OXR1: variants seen among roughly 807,000 people sequenced by gnomAD.
OXR1 encodes the protein oxidation resistance protein 1.
In OXR1, 41 loss-of-function variants were observed where a neutral mutation model predicts 104.6. The ratio of observed to expected loss-of-function variants is 0.39; its 90% CI spans 0.31 to 0.51. OXR1 has a LOEUF of 0.51. Ranked by LOEUF, OXR1 falls within the 20% of genes least tolerant of loss-of-function variation. OXR1 has a pLI of 0.77. For missense variants in OXR1, 955 were observed against 1,031.9 expected (o/e 0.93, Z 1.02); for synonymous variants, 348 against 348.4 (o/e 1.00, Z 0.01).
At chr8:106,291,014 T>G (rs1206023427) in intron 1 of OXR1, among the ~76,000 whole-genome samples, 2 of 152,182 alleles carry the variant, frequency 1.3e-5, no homozygotes, top group Non-Finnish European at 2.9e-5. Context: ...TGCTGGGCTA[T>G]TCACAGTAGC....
intron 6 of OXR1, among the ~76,000 whole-genome samples, chr8:106,686,312 A>T (rs1041582192): frequency 2.1e-4 from 32 of 150,698 alleles, no homozygotes; most frequent in African/African-American, 7.0e-4. Context: ...AAGAGGTAAG[A>T]GAAGAGTTTG....
intron 16 of OXR1, among the ~76,000 whole-genome samples, chr8:106,750,324 CTTTT>C (rs35858491): frequency 2.9e-5 from 4 of 138,200 alleles, no homozygotes; most frequent in Admixed American, 1.5e-4. Flanking sequence ...CTTTTCTTTT[CTTTT>C]TTTTTTTTTT....
intron 11 of OXR1, among the ~76,000 whole-genome samples, chr8:106,727,003 A>T (rs1342592902): frequency 3.3e-5 from 5 of 152,214 alleles, no homozygotes; most frequent in South Asian, 2.1e-4. Flanking sequence ...ACTTTGGAAG[A>T]TGCCCCCAAA....
intron 2 of OXR1, among the ~76,000 whole-genome samples, chr8:106,485,101 A>G (rs1263031283): frequency 6.6e-6 from 1 of 152,036 alleles, no homozygotes; most frequent in Non-Finnish European, 1.5e-5. Flanking sequence ...TTGAAACTAT[A>G]TGACATTTGA....
chr8:106,528,671 A>C (rs1017053832), intron 3 of OXR1, among the ~76,000 whole-genome samples: 6 of 152,246 alleles, frequency 3.9e-5, no homozygotes, highest in African/African-American at 1.2e-4. Flanking sequence ...TTTAATAAAA[A>C]AGATAACCCT....
chr8:106,349,432 G>T (rs982581003), intron 1 of OXR1, among the ~76,000 whole-genome samples: 4 of 152,072 alleles, frequency 2.6e-5, no homozygotes, highest in Non-Finnish European at 5.9e-5. Flanking sequence ...ATTTGAACTT[G>T]GGGGATGGCA....
At chr8:106,685,239 G>C (rs1333723399) in intron 6 of OXR1, among the ~76,000 whole-genome samples, 1 of 152,038 alleles carries the variant, frequency 6.6e-6, no homozygotes, top group Non-Finnish European at 1.5e-5. Flanking sequence ...TTTGAACATA[G>C]CCATGCCATT....
At chr8:106,291,321 C>T (rs1812741786) in intron 1 of OXR1, among the ~76,000 whole-genome samples, 1 of 152,136 alleles carries the variant, frequency 6.6e-6, no homozygotes, top group African/African-American at 2.4e-5. Flanking sequence ...ACTCAAAAAA[C>T]TACCTATTGG....
intron 3 of OXR1, among the ~76,000 whole-genome samples, chr8:106,521,908 C>T (rs927481124): frequency 6.6e-6 from 1 of 152,094 alleles, no homozygotes; most frequent in African/African-American, 2.4e-5. Context: ...CGAACGAACC[C>T]GTCTACAAGC....
chr8:106,437,156 G>T lies in OXR1; in HGVS notation c.23+77520G>T, dbSNP rs546210751. Among the ~76,000 whole-genome samples the T allele has an allele frequency of 3.3e-5, 5 of 152,184 alleles. No homozygotes were observed. The East Asian group carries it at 9.7e-4, about 29-fold the overall frequency. ...GTCTTTTAAAATTCATTGTGAGACT[G>T]TGAAGCTCCTGTACTTCCGTTAAAA... On this transcript the variant is annotated intron_variant, in intron 2 of 16. Transcript: ENST00000517566.
chr8:106,551,888 G>T (rs1041557117), intron 3 of OXR1, among the ~76,000 whole-genome samples: 21 of 148,112 alleles, frequency 1.4e-4, no homozygotes, highest in Non-Finnish European at 4.5e-5. Context: ...GTGTGTGTGT[G>T]TGTGTGTGTG....
At chr8:106,580,041 G>C (rs1818122084) in intron 3 of OXR1, among the ~76,000 whole-genome samples, 1 of 152,184 alleles carries the variant, frequency 6.6e-6, no homozygotes, top group Non-Finnish European at 1.5e-5. Context: ...TTGACTGGCA[G>C]CTGTGACTCT....
chr8:106,357,229 C>CT (rs200726937), intron 1 of OXR1, among the ~76,000 whole-genome samples: 87 of 146,122 alleles, frequency 6.0e-4, no homozygotes, highest in South Asian at 1.3e-3. Context: ...TATATATATG[C>CT]TTTTTTTTTT....
chr8:106,553,874 G>A (rs966349587), intron 3 of OXR1, among the ~76,000 whole-genome samples: 2 of 152,146 alleles, frequency 1.3e-5, no homozygotes, highest in African/African-American at 2.4e-5. Flanking sequence ...TAAGCTCCCT[G>A]ATGGCCAAGT....
intron 2 of OXR1, among the ~76,000 whole-genome samples, chr8:106,472,065 T>A (rs1196390165): frequency 6.6e-6 from 1 of 151,830 alleles, no homozygotes; most frequent in Non-Finnish European, 1.5e-5. Flanking sequence ...TTTGTTGTTA[T>A]GTCTCTTTAG....
chr8:106,727,034 G>T (rs1334067360), intron 11 of OXR1, among the ~76,000 whole-genome samples: 1 of 152,126 alleles, frequency 6.6e-6, no homozygotes, highest in Non-Finnish European at 1.5e-5. Flanking sequence ...GCCCTTAAAT[G>T]TTAAGTGTGT....
chr8:106,397,108 T>G (rs563278997), intron 2 of OXR1, among the ~76,000 whole-genome samples: 1 of 152,262 alleles, frequency 6.6e-6, no homozygotes, highest in African/African-American at 2.4e-5. Flanking sequence ...AACTTGGTGA[T>G]ACTGATTGCC....
chr8:106,392,249 T>G (rs1817612830), intron 2 of OXR1, among the ~76,000 whole-genome samples: 1 of 152,168 alleles, frequency 6.6e-6, no homozygotes, highest in Non-Finnish European at 1.5e-5. Context: ...TGTGTTTGCT[T>G]TGTGCAAAGG....
chr8:106,420,202 T>C (rs1218610968), intron 2 of OXR1, among the ~76,000 whole-genome samples: 2 of 152,132 alleles, frequency 1.3e-5, no homozygotes, highest in African/African-American at 4.8e-5. Context: ...TTGAAAGTTA[T>C]AGCATTTGTT....
Sources: gnomAD v4.1 joint callset for allele counts (sites outside exome capture counted in the v4.1 genomes callset) on GRCh38, gnomAD v4.1.1 for gene constraint, MANE v1.5 for transcripts, NCBI Gene and HGNC (gene_info 2026-07-23, HGNC 2026-07-21) for gene names.